IKZF2: variants seen among roughly 807,000 people sequenced by gnomAD.
IKZF2 encodes the protein zinc finger protein Helios.
IKZF2 carries 15 observed loss-of-function variants against 49.2 expected under a neutral mutation model. The observed-to-expected ratio is 0.30, with a 90% CI of 0.20 to 0.47. The LOEUF (loss-of-function observed/expected upper bound fraction) is 0.47, where lower values mean the gene tolerates loss of function less well. Among genes scored for constraint, IKZF2 ranks in the 20% least tolerant of loss-of-function variants. IKZF2 has a pLI of 1.00. For missense variants in IKZF2, 567 were observed against 664.6 expected, an observed-to-expected ratio of 0.85 and a Z score of 1.61; for synonymous variants, 227 against 221.4, an observed-to-expected ratio of 1.03 and a Z score of -0.23.
At chr2:213,133,210 A>G (rs567753459) in intron 4 of IKZF2, among the ~76,000 whole-genome samples, 5 of 152,264 alleles carry the variant, frequency 3.3e-5, no homozygotes, top group African/African-American at 1.2e-4. Flanking sequence ...ATTCTGGCTA[A>G]CTTACCATGA....
At chr2:213,027,773 A>C (rs1280834035) in intron 6 of IKZF2, among the ~76,000 whole-genome samples, 2 of 152,070 alleles carry the variant, frequency 1.3e-5, no homozygotes, top group African/African-American at 4.8e-5. Flanking sequence ...GTATTATATA[A>C]ATATAGCTTT....
At chr2:213,043,429 T>C (rs1350063246) in intron 6 of IKZF2, among the ~76,000 whole-genome samples, 1 of 152,056 alleles carries the variant, frequency 6.6e-6, no homozygotes, top group Non-Finnish European at 1.5e-5. Flanking sequence ...AACAATACAA[T>C]AAAACAATGG....
intron 4 of IKZF2, among the ~76,000 whole-genome samples, chr2:213,117,386 C>A (rs2059912177): frequency 6.6e-6 from 1 of 152,190 alleles, no homozygotes; most frequent in Non-Finnish European, 1.5e-5. Context: ...CCCTTTAGGG[C>A]TGAGAGGAAT....
At chr2:213,139,144 A>C (rs1477590869) in intron 4 of IKZF2, among the ~76,000 whole-genome samples, 1 of 151,918 alleles carries the variant, frequency 6.6e-6, no homozygotes. Flanking sequence ...AAATGAATGG[A>C]TCTCAGGCCA....
intron 4 of IKZF2, among the ~76,000 whole-genome samples, chr2:213,102,382 C>T (rs907011652): frequency 6.6e-6 from 1 of 151,990 alleles, no homozygotes; most frequent in Non-Finnish European, 1.5e-5. Flanking sequence ...TGATAATTTT[C>T]AAAACTGAAT....
At chr2:213,117,153 C>G (rs1346624162) in intron 4 of IKZF2, among the ~76,000 whole-genome samples, 3 of 152,042 alleles carry the variant, frequency 2.0e-5, no homozygotes, top group African/African-American at 7.2e-5. Context: ...ACAAAAACTC[C>G]TGACCCCAAT....
intron 4 of IKZF2, among the ~76,000 whole-genome samples, chr2:213,139,041 T>A (rs77175981): frequency 0.014 from 2,127 of 152,102 alleles, 59 homozygotes; most frequent in African/African-American, 0.048. Context: ...GAAGGAAGTA[T>A]CCTTTATGGG....
intron 6 of IKZF2, among the ~76,000 whole-genome samples, chr2:213,041,626 G>A (rs1336941345): frequency 6.6e-6 from 1 of 152,038 alleles, no homozygotes; most frequent in Admixed American, 6.6e-5. Flanking sequence ...ATCTTTAGCT[G>A]ATCTTTGTTC....
intron 8 of IKZF2, among the ~76,000 whole-genome samples, chr2:213,010,945 G>C (rs941493657): frequency 2.0e-5 from 3 of 152,080 alleles, no homozygotes; most frequent in Non-Finnish European, 4.4e-5. Flanking sequence ...TTAAGGATAA[G>C]TCTGAAAGAA....
intron 4 of IKZF2, among the ~76,000 whole-genome samples, chr2:213,075,032 T>C (rs960460352): frequency 6.6e-5 from 10 of 152,132 alleles, no homozygotes; most frequent in Admixed American, 6.6e-4. Context: ...TTCAAACTGT[T>C]CCTTGGCTAT....
intron 6 of IKZF2, among the ~76,000 whole-genome samples, chr2:213,031,453 G>T (rs967521175): frequency 6.6e-6 from 1 of 152,140 alleles, no homozygotes; most frequent in African/African-American, 2.4e-5. Context: ...ACATTTGAAA[G>T]CAAAAGAAAA....
At chr2:213,040,923 G>T (rs1350753812) in intron 6 of IKZF2, among the ~76,000 whole-genome samples, 2 of 152,118 alleles carry the variant, frequency 1.3e-5, no homozygotes, top group Non-Finnish European at 2.9e-5. Flanking sequence ...TTCAAGACCA[G>T]CCTGGCCAAC....
chr2:213,148,019 A>T (rs2061141136), intron 3 of IKZF2, among the ~76,000 whole-genome samples: 1 of 152,236 alleles, frequency 6.6e-6, no homozygotes, highest in African/African-American at 2.4e-5. Context: ...CAATAAAAAA[A>T]ATTAACAAAA....
chr2:213,117,190 C>A (rs2059906858), intron 4 of IKZF2, among the ~76,000 whole-genome samples: 1 of 152,146 alleles, frequency 6.6e-6, no homozygotes, highest in Non-Finnish European at 1.5e-5. Context: ...AAAGGAGCAA[C>A]TGTCATTCAA....
rs571734612 is a variant in IKZF2 at position 213,064,734 on chromosome 2, T to C, written c.140-7635A>G. Among the ~76,000 whole-genome samples, 11 of 45,584 alleles carry C rather than the reference T, an allele frequency of 2.4e-4. 1 individual carries two copies. The South Asian group carries it at 4.7e-3, about 19-fold the overall frequency. The allele number at this position is 45,584 out of a possible 152,430, so 29.9% of individuals were successfully genotyped here. On this transcript the variant is annotated intron_variant, in intron 4 of 8. Coordinates refer to ENST00000434687, the MANE Select transcript of IKZF2 (RefSeq NM_001387220.1). Reference sequence around the variant, plus strand: ...CTAAAGGTTCAATATCTTCTATGTCTTGCACATCTGTTTTTGCATCTTCTT... The same window carrying C: ...CTAAAGGTTCAATATCTTCTATGTCCTGCACATCTGTTTTTGCATCTTCTT...
intron 4 of IKZF2, among the ~76,000 whole-genome samples, chr2:213,061,337 C>T (rs934891014): frequency 6.6e-6 from 1 of 151,296 alleles, no homozygotes; most frequent in Admixed American, 6.6e-5. Context: ...GGCCTTTACA[C>T]AGGTAAACAG....
At position 213,068,912 on chromosome 2, in the gene IKZF2, AAC is replaced by A. The variant is rs3069572; in HGVS notation, c.140-11815_140-11814del. Among the ~76,000 whole-genome samples the A allele has an allele frequency of 5.0e-3, 743 of 147,256 alleles. 3 individuals are homozygous for A. Among genetic ancestry groups the A allele is most frequent in the African/African-American group, 0.014 (547 of 39,960 alleles). On this transcript the variant is annotated intron_variant, in intron 4 of 8. Transcript: ENST00000434687. ...GTTGGCTAGTATCCAGGAGGGAGAAAACACACACACACACACACACACACACA... is the reference window on the plus strand; with the variant it reads ...GTTGGCTAGTATCCAGGAGGGAGAAAACACACACACACACACACACACACA...
chr2:213,086,569 G>A (rs574787041), intron 4 of IKZF2, among the ~76,000 whole-genome samples: 1 of 152,220 alleles, frequency 6.6e-6, no homozygotes, highest in South Asian at 2.1e-4. Context: ...CACTAGCCCG[G>A]AAGCTCACCT....
At position 213,121,597 on chromosome 2, in the gene IKZF2, G is replaced by A. The variant is rs181185581; in HGVS notation, c.139+26111C>T. On this transcript the variant is annotated intron_variant, in intron 4 of 8. Transcript: ENST00000434687. ...ATAAATACAAGGACCATTATGAAAT[G>A]TTTGTGATTACCCCTGGCATATTAC... Among the ~76,000 whole-genome samples, 247 of 152,290 alleles carry A rather than the reference G, an allele frequency of 1.6e-3. 3 individuals are homozygous for A. Among genetic ancestry groups the A allele is most frequent in the Middle Eastern group, 3.4e-3 (1 of 294 alleles).
Sources: gnomAD v4.1 joint callset for allele counts (sites outside exome capture counted in the v4.1 genomes callset) on GRCh38, gnomAD v4.1.1 for gene constraint, MANE v1.5 for transcripts, NCBI Gene and HGNC (gene_info 2026-07-23, HGNC 2026-07-21) for gene names.